NEK11: variants seen among roughly 807,000 people sequenced by gnomAD.
The protein encoded by NEK11 is serine/threonine-protein kinase Nek11.
A neutral mutation model predicts 80.7 loss-of-function variants in NEK11; 72 were observed. The observed-to-expected ratio is 0.89, with a 90% CI of 0.74 to 1.08. The LOEUF (loss-of-function observed/expected upper bound fraction) is 1.08. Among genes scored for constraint, NEK11 ranks in the 50% least tolerant of loss-of-function variants. The pLI, the probability that NEK11 is intolerant of heterozygous loss-of-function variation, is 0.00. For missense variants in NEK11, 764 were observed against 763.6 expected (o/e 1.00, Z -0.01); for synonymous variants, 251 against 260.7 (o/e 0.96, Z 0.36).
chr3:131,100,646 T>G (rs1340981712), intron 4 of NEK11, among the ~76,000 whole-genome samples: 1 of 152,216 alleles, frequency 6.6e-6, no homozygotes, highest in African/African-American at 2.4e-5. Flanking sequence ...CAGTTTGCTA[T>G]GTTTTATTGA....
chr3:131,333,270 C>T (rs1416511307), intron 17 of NEK11, among the ~76,000 whole-genome samples: 57 of 151,964 alleles, frequency 3.8e-4, no homozygotes, highest in African/African-American at 1.3e-3. Context: ...GCGGATCTCT[C>T]GGCAGAAACT....
intron 3 of NEK11, among the ~76,000 whole-genome samples, chr3:131,061,730 C>A (rs1219528712): frequency 6.6e-6 from 1 of 152,020 alleles, no homozygotes; most frequent in Non-Finnish European, 1.5e-5. Context: ...TGACCGGAGC[C>A]CAAAAGGAAT....
chr3:131,033,994 ACT>A (rs1409819397), intron 3 of NEK11, among the ~76,000 whole-genome samples: 1 of 152,116 alleles, frequency 6.6e-6, no homozygotes, highest in Non-Finnish European at 1.5e-5. Context: ...AATTATAGAC[ACT>A]CTAGTCTAAT....
Position 131,283,085 on chromosome 3 carries a change from C to A in NEK11, c.1718+9511C>A, listed in dbSNP as rs114980279. 9.6e-3 allele frequency among the ~76,000 whole-genome samples: 1,456 copies of A among 152,186 alleles called. 31 individuals are homozygous for A. Among genetic ancestry groups the A allele is most frequent in the African/African-American group, 0.033 (1,368 of 41,524 alleles). ...GTTTGTATTTCAAGAGGTGAAGAAA[C>A]CCTCCCATTGCCATATAGCTAGTAA... On this transcript the variant is annotated intron_variant, in intron 17 of 17. Coordinates refer to ENST00000383366, the MANE Select transcript of NEK11 (RefSeq NM_024800.5).
intron 17 of NEK11, among the ~76,000 whole-genome samples, chr3:131,290,770 C>G (rs187701890): frequency 1.3e-5 from 2 of 152,088 alleles, no homozygotes; most frequent in Non-Finnish European, 2.9e-5. Flanking sequence ...CAAGATCTTC[C>G]CTTTCTTTTT....
Position 131,170,805 on chromosome 3 carries a change from T to G in NEK11, c.1317T>G (p.Pro439=), listed in dbSNP as rs750985426. ...ESDEPTLENL[P]ESQPIPSMDL... ...ATGAACCAACTTTAGAGAACCTGCCTGAGTCTCAGCCTATTCCTTCCATGG... is the reference window on the plus strand; with the variant it reads ...ATGAACCAACTTTAGAGAACCTGCCGGAGTCTCAGCCTATTCCTTCCATGG... The change falls in exon 14 of 18, where the codon CCT becomes CCG. Residue 439 remains proline, a synonymous_variant. Transcript: ENST00000383366. The G allele has an allele frequency of 1.3e-5, 21 of 1,613,950 alleles. No homozygotes were observed. The highest frequency in any genetic ancestry group is 1.5e-5 in the Non-Finnish European group (18 of 1,179,920).
intron 3 of NEK11, among the ~76,000 whole-genome samples, chr3:131,071,335 C>A (rs927851124): frequency 1.3e-5 from 2 of 151,854 alleles, no homozygotes; most frequent in African/African-American, 2.4e-5. Context: ...TTTTCTTTTT[C>A]TTTTCTTTTT....
intron 11 of NEK11, among the ~76,000 whole-genome samples, chr3:131,164,180 G>A (rs1348778485): frequency 6.6e-6 from 1 of 152,178 alleles, no homozygotes; most frequent in Non-Finnish European, 1.5e-5. Flanking sequence ...TACATTGTGA[G>A]CAGTGGTGTG....
intron 17 of NEK11, among the ~76,000 whole-genome samples, chr3:131,281,001 C>G (rs2096387063): frequency 6.6e-6 from 1 of 152,188 alleles, no homozygotes; most frequent in Non-Finnish European, 1.5e-5. Flanking sequence ...GCCCCAAGTA[C>G]TATTCTCTCT....
intron 17 of NEK11, among the ~76,000 whole-genome samples, chr3:131,342,293 T>C (rs916157977): frequency 6.6e-6 from 1 of 152,226 alleles, no homozygotes; most frequent in Non-Finnish European, 1.5e-5. Flanking sequence ...TTAATGAAGA[T>C]TCCGGATGCT....
intron 14 of NEK11, among the ~76,000 whole-genome samples, chr3:131,177,829 C>T (rs1188782959): frequency 6.6e-6 from 1 of 152,192 alleles, no homozygotes; most frequent in East Asian, 1.9e-4. Context: ...ATTCAAATAT[C>T]ACTCACGTGA....
At chr3:131,334,946 A>G (rs1386162047) in intron 17 of NEK11, among the ~76,000 whole-genome samples, 2 of 152,250 alleles carry the variant, frequency 1.3e-5, no homozygotes, top group Admixed American at 6.5e-5. Context: ...GAATAGACCA[A>G]TAACAGGATC....
rs546266051 is a variant in NEK11, at chr3:131,300,432, TC to T, written c.1718+26859del. On this transcript the variant is annotated intron_variant, in intron 17 of 17. Transcript: ENST00000383366. ...GTTTTTATTGCAATTACTTTTGTCA[TC>T]TTCATCATTAAATCTTTGCCAAGGC... 3.8e-4 allele frequency among the ~76,000 whole-genome samples: 58 copies of T among 152,356 alleles called. No homozygotes were observed. In the South Asian group the frequency reaches 7.5e-3, roughly 20 times the overall value.
chr3:131,141,085 C>T (rs1480479937), intron 7 of NEK11, among the ~76,000 whole-genome samples: 2 of 152,076 alleles, frequency 1.3e-5, no homozygotes, highest in Non-Finnish European at 2.9e-5. Context: ...AGGGCTTCTC[C>T]TCCTACCTCA....
intron 14 of NEK11, among the ~76,000 whole-genome samples, chr3:131,203,249 A>G (rs902605744): frequency 2.6e-5 from 4 of 152,156 alleles, no homozygotes; most frequent in African/African-American, 4.8e-5. Context: ...CTATGCAGCC[A>G]TAAAAAATGA....
chr3:131,250,330 A>T (rs1215966114), intron 16 of NEK11, among the ~76,000 whole-genome samples: 1 of 152,114 alleles, frequency 6.6e-6, no homozygotes, highest in Non-Finnish European at 1.5e-5. Context: ...CTTATAAAGT[A>T]TCAGAGAAAA....
At chr3:131,053,929 T>G (rs2068869388) in intron 3 of NEK11, 4 of 152,282 alleles carry the variant, frequency 2.6e-5, no homozygotes, top group Admixed American at 1.3e-4. Context: ...TAAATTTTAA[T>G]TCCTAGTGTA....
At chr3:131,282,321 A>G (rs1288618811) in intron 17 of NEK11, among the ~76,000 whole-genome samples, 1 of 151,560 alleles carries the variant, frequency 6.6e-6, no homozygotes, top group Non-Finnish European at 1.5e-5. Context: ...CATGCACATC[A>G]TGCCCAAGTG....
intron 16 of NEK11, among the ~76,000 whole-genome samples, chr3:131,265,198 C>G (rs140865973): frequency 6.6e-6 from 1 of 151,972 alleles, no homozygotes; most frequent in Non-Finnish European, 1.5e-5. Context: ...TATTTGAATA[C>G]CCTGTATTTC....
Sources: allele counts gnomAD v4.1 joint callset (sites outside exome capture counted in the v4.1 genomes callset), GRCh38; gene constraint gnomAD v4.1.1; transcripts MANE v1.5; gene names NCBI Gene and HGNC (gene_info 2026-07-23, HGNC 2026-07-21).